SIPA1L3: variants seen among roughly 807,000 people sequenced by gnomAD.
SIPA1L3 encodes signal-induced proliferation-associated 1-like protein 3.
A neutral mutation model predicts 150.1 loss-of-function variants in SIPA1L3; 59 were observed. That is an observed-to-expected ratio of 0.39 (90% CI 0.32 to 0.49). SIPA1L3 has a LOEUF of 0.49. SIPA1L3 is among the 20% of genes least tolerant of loss of function. The pLI, the probability that SIPA1L3 is intolerant of heterozygous loss-of-function variation, is 0.86. For synonymous variants in SIPA1L3, 1,070 were observed against 1,077.6 expected, an observed-to-expected ratio of 0.99 and a Z score of 0.14; for missense variants, 2,211 against 2,489.5, an observed-to-expected ratio of 0.89 and a Z score of 2.38.
chr19:37,961,235 G>A (rs2046856311), intron 1 of SIPA1L3, among the ~76,000 whole-genome samples: 1 of 150,116 alleles, frequency 6.7e-6, no homozygotes, highest in African/African-American at 2.5e-5. Context: ...GCCCAGGCTG[G>A]TCTCAAACTC....
At chr19:38,048,354 T>C (rs1338972742) in intron 2 of SIPA1L3, among the ~76,000 whole-genome samples, 2 of 152,188 alleles carry the variant, frequency 1.3e-5, no homozygotes, top group African/African-American at 4.8e-5. Context: ...CAAAGGCCTC[T>C]GTATGCCTCT....
chr19:37,941,706 C>CA (rs1568472093), intron 1 of SIPA1L3, among the ~76,000 whole-genome samples: 5 of 152,140 alleles, frequency 3.3e-5, no homozygotes, highest in African/African-American at 1.2e-4. Context: ...TTTCCCCTGT[C>CA]GTGCATTGTC....
chr19:38,204,428 A>G (rs1358007083), intron 21 of SIPA1L3, among the ~76,000 whole-genome samples: 1 of 152,242 alleles, frequency 6.6e-6, no homozygotes. Context: ...TAATCAGCCC[A>G]GGCTTTTCGG....
intron 2 of SIPA1L3, among the ~76,000 whole-genome samples, chr19:38,053,991 G>T (rs10414433): frequency 0.16 from 25,040 of 151,942 alleles, 2,181 homozygotes; most frequent in African/African-American, 0.2. Context: ...GGCACAAAGA[G>T]ATTTAAGGGA....
rs546103960 is a variant in SIPA1L3 at position 38,076,118 on chromosome 19, C to T, written c.-310-5138C>T. 4.6e-5 allele frequency among the ~76,000 whole-genome samples: 7 copies of T among 150,986 alleles called. 1 individual carries two copies. In the South Asian group the frequency reaches 1.3e-3, roughly 27 times the overall value. ...TCGCACCACTGCACTCCAGCCTAGG[C>T]GACAGAGCAAGGCTCTGTCTCAAAA... is the stretch of plus-strand genomic sequence containing the variant. On this transcript the variant is annotated intron_variant, in intron 2 of 21. Transcript: ENST00000222345.
chr19:38,014,584 G>A (rs1968185732), intron 1 of SIPA1L3, among the ~76,000 whole-genome samples: 1 of 129,988 alleles, frequency 7.7e-6, no homozygotes. Context: ...AGAGGGTCTT[G>A]CTCTGTTGCC....
chr19:38,204,102 C>G (rs1416255215), intron 20 of SIPA1L3, 25 bp from the exon 21 acceptor site: 2 of 1,548,872 alleles, frequency 1.3e-6, no homozygotes, highest in Admixed American at 1.9e-5. Flanking sequence ...GGGCCTCAGG[C>G]TGACCTTGTC....
At chr19:37,923,416 T>G (rs1259369655) in intron 1 of SIPA1L3, among the ~76,000 whole-genome samples, 1 of 152,228 alleles carries the variant, frequency 6.6e-6, no homozygotes, top group Non-Finnish European at 1.5e-5. Context: ...CCCTGAATTC[T>G]GTGGGCAGTT....
chr19:38,196,206 C>T (rs1972927325), intron 18 of SIPA1L3, among the ~76,000 whole-genome samples: 2 of 152,248 alleles, frequency 1.3e-5, no homozygotes, highest in Admixed American at 1.3e-4. Flanking sequence ...GAGCCTGTCA[C>T]ACGGTGCTCC....
intron 4 of SIPA1L3, among the ~76,000 whole-genome samples, chr19:38,098,793 G>C (rs1330251497): frequency 5.9e-5 from 9 of 152,156 alleles, no homozygotes; most frequent in African/African-American, 1.7e-4. Context: ...CTGGGGAATG[G>C]GAATGAGATG....
intron 2 of SIPA1L3, among the ~76,000 whole-genome samples, chr19:38,048,912 G>A (rs562349727): frequency 5.9e-5 from 9 of 152,184 alleles, no homozygotes; most frequent in Admixed American, 1.3e-4. Flanking sequence ...GTGAAACCCC[G>A]TGTCTACTAA....
intron 15 of SIPA1L3, among the ~76,000 whole-genome samples, chr19:38,167,522 G>A (rs1327263528): frequency 1.3e-5 from 2 of 152,124 alleles, no homozygotes; most frequent in African/African-American, 4.8e-5. Context: ...GAGAGACACT[G>A]TCTGAGTGTT....
rs375004593 is a variant in SIPA1L3 at position 38,129,141 on chromosome 19, A to T, written c.2869-1357A>T. ...TATCCCAAGAAGAGGGGATCGCTTA[A>T]CAGCATGCTGGGGGGAGGGGGCAGG... On this transcript the variant is annotated intron_variant, in intron 9 of 21. Transcript: ENST00000222345. Among the ~76,000 whole-genome samples, 48 of 152,102 alleles carry T rather than the reference A, an allele frequency of 3.2e-4. No homozygotes were observed. In the East Asian group the frequency reaches 8.9e-3, roughly 28 times the overall value.
chr19:37,990,361 G>A (rs1464557374), intron 1 of SIPA1L3, among the ~76,000 whole-genome samples: 1 of 152,142 alleles, frequency 6.6e-6, no homozygotes, highest in Admixed American at 6.6e-5. Context: ...GGGGCCTCTT[G>A]CATGTTGGGC....
At chr19:38,129,811 A>T (rs1971265778) in intron 9 of SIPA1L3, among the ~76,000 whole-genome samples, 1 of 152,120 alleles carries the variant, frequency 6.6e-6, no homozygotes, top group Non-Finnish European at 1.5e-5. Flanking sequence ...TCTCACCTGT[A>T]ATCCTAGCAC....
At chr19:38,148,466 C>T (rs751537342) in intron 12 of SIPA1L3, among the ~76,000 whole-genome samples, 18 of 152,138 alleles carry the variant, frequency 1.2e-4, no homozygotes, top group Non-Finnish European at 2.1e-4. Flanking sequence ...ACTCAAGTCA[C>T]GAGACAGAGG....
At chr19:38,198,357 C>A (rs1233192807) in intron 18 of SIPA1L3, 32 bp from the exon 19 acceptor site, 5 of 1,498,904 alleles carry the variant, frequency 3.3e-6, no homozygotes, top group Non-Finnish European at 4.5e-6. Flanking sequence ...TTGTCACACT[C>A]AACCACTGCC....
At position 38,141,423 on chromosome 19, in the gene SIPA1L3, T is replaced by G. The variant is rs773590755; in HGVS notation, c.3383T>G (p.Leu1128Arg). 6.2e-7 allele frequency: 1 copy of G among 1,609,244 alleles called. No individual in the cohort carries two copies. Among genetic ancestry groups the G allele is most frequent in the South Asian group, 1.1e-5 (1 of 91,074 alleles). The change falls in exon 11 of 22, where the codon CTG (leucine) becomes CGG (arginine). Residue 1128 changes from leucine to arginine, a missense_variant. Transcript: ENST00000222345. ...GTCCCCTTCCGGGAGTCCCAGCCACTGCACAGCAAGAGGTAAGCACCTGCT... is the reference window on the plus strand; with the variant it reads ...GTCCCCTTCCGGGAGTCCCAGCCACGGCACAGCAAGAGGTAAGCACCTGCT... ...PIVPFRESQP[L>R]HSKRPVSFPE...
intron 1 of SIPA1L3, among the ~76,000 whole-genome samples, chr19:37,940,949 G>A (rs1359230437): frequency 6.6e-6 from 1 of 152,028 alleles, no homozygotes; most frequent in African/African-American, 2.4e-5. Flanking sequence ...TCCTGTATAT[G>A]ATCAGGCCTG....
Sources: allele counts gnomAD v4.1 joint callset (sites outside exome capture counted in the v4.1 genomes callset), GRCh38; gene constraint gnomAD v4.1.1; transcripts MANE v1.5; gene names NCBI Gene and HGNC (gene_info 2026-07-23, HGNC 2026-07-21).